CATIP: variants seen among roughly 807,000 people sequenced by gnomAD.
CATIP encodes ciliogenesis-associated TTC17-interacting protein.
In CATIP, 40 loss-of-function variants were observed where a neutral mutation model predicts 42.5. The observed-to-expected ratio is 0.94, with a 90% CI of 0.73 to 1.22. The LOEUF is 1.22. CATIP is among the 50% of genes most tolerant of loss of function. The pLI is 0.00. For missense variants in CATIP, 489 were observed against 496.0 expected (o/e 0.99, Z 0.13); for synonymous variants, 222 against 200.2 (o/e 1.11, Z -0.92).
intron 6 of CATIP, among the ~76,000 whole-genome samples, chr2:218,364,360 A>AC (rs398091073): frequency 0.22 from 33,434 of 150,256 alleles, 3,746 homozygotes; most frequent in Middle Eastern, 0.37. Context: ...CCGCTCCCAC[A>AC]CCCCCCCGCA....
In CATIP at chr2:218,356,897, GT is replaced by G. The variant is rs757950329; in HGVS notation, c.16del (p.Tyr6ThrfsTer61). On this transcript the variant is annotated frameshift_variant, in exon 1 of 10. Coordinates refer to ENST00000289388, the MANE Select transcript of CATIP (RefSeq NM_198559.2). LOFTEE classifies it high-confidence loss of function. ...GCAGGCCCACAGCATGTCCTCCAAG[GT>G]TTACTCCACAGGTGGGAAGAGGACT... MSSKVYSTGSRAKDH... is the reference protein window; with the variant it reads MSSKXYSTGSRAKDH... The G allele has an allele frequency of 1.2e-6, 2 of 1,614,128 alleles. No individual in the cohort carries two copies. The highest frequency in any genetic ancestry group is 1.7e-6 in the Non-Finnish European group (2 of 1,180,010).
At chr2:218,359,235 G>A (rs1490910413) in intron 4 of CATIP, among the ~76,000 whole-genome samples, 2 of 151,384 alleles carry the variant, frequency 1.3e-5, no homozygotes, top group African/African-American at 4.9e-5. Context: ...CCAGCTACAC[G>A]GGAGGCTGAG....
chr2:218,361,353 G>A (rs747345320), intron 5 of CATIP, among the ~76,000 whole-genome samples: 1 of 150,828 alleles, frequency 6.6e-6, no homozygotes, highest in Non-Finnish European at 1.5e-5. Flanking sequence ...CAGCCTGGGC[G>A]ACAGAGCAAG....
chr2:218,366,504 A>T (rs1040353152), intron 7 of CATIP: 21 of 168,292 alleles, frequency 1.2e-4, no homozygotes, highest in Non-Finnish European at 2.2e-4. Context: ...AATACTTGCC[A>T]AGCCCTGTGC....
At chr2:218,357,860 G>A in intron 3 of CATIP, 126 bp downstream of exon 3, 1 of 1,142,064 alleles carries the variant, frequency 8.8e-7, no homozygotes, top group Non-Finnish European at 1.3e-6. Flanking sequence ...AAGGCACGGG[G>A]TGGGAGAGGG....
chr2:218,358,217 T>A (rs1695106205), intron 4 of CATIP, 125 bp downstream of exon 4: 2 of 760,396 alleles, frequency 2.6e-6, no homozygotes, highest in African/African-American at 3.5e-5. Context: ...AGAATAGCAA[T>A]CGTGTTATGA....
At chr2:218,364,480 G>C in intron 6 of CATIP, 148 bp from the exon 7 acceptor site, 1 of 1,145,092 alleles carries the variant, frequency 8.7e-7, no homozygotes, top group Non-Finnish European at 1.2e-6. Context: ...CCCTATGAGG[G>C]GTCGCCAACT....
intron 5 of CATIP, 26 bp from the exon 6 acceptor site, chr2:218,362,709 C>T (rs1235843661): frequency 6.2e-7 from 1 of 1,606,926 alleles, no homozygotes; most frequent in African/African-American, 1.3e-5. Flanking sequence ...GGTTCCAGGA[C>T]CCTGACCCAG....
At chr2:218,359,363 A>T (rs1002678374) in intron 4 of CATIP, among the ~76,000 whole-genome samples, 35 of 151,296 alleles carry the variant, frequency 2.3e-4, no homozygotes, top group African/African-American at 8.0e-4. Flanking sequence ...AAAAAAAAAA[A>T]ATGTTGGGGA....
intron 4 of CATIP, among the ~76,000 whole-genome samples, chr2:218,359,011 C>T (rs1695142324): frequency 6.6e-6 from 1 of 151,822 alleles, no homozygotes; most frequent in African/African-American, 2.4e-5. Flanking sequence ...TGAAGACCAG[C>T]CTGACCAACA....
At chr2:218,357,796 A>C in intron 3 of CATIP, 62 bp downstream of exon 3, 1 of 1,513,284 alleles carries the variant, frequency 6.6e-7, no homozygotes, top group Non-Finnish European at 9.1e-7. Context: ...CCCTCCACCA[A>C]TTCCTAGAAT....
At chr2:218,360,722 G>C (rs1695204279) in intron 5 of CATIP, 63 bp downstream of exon 5, 1 of 1,255,990 alleles carries the variant, frequency 8.0e-7, no homozygotes, top group Admixed American at 1.8e-5. Flanking sequence ...TCTGAGACAG[G>C]TCCAGATCAA....
chr2:218,362,638 A>G, intron 5 of CATIP, 97 bp from the exon 6 acceptor site: 1 of 1,300,418 alleles, frequency 7.7e-7, no homozygotes, highest in South Asian at 1.4e-5. Flanking sequence ...TGTCTCAAAA[A>G]AAAACAAAAC....
At chr2:218,363,277 T>C in intron 6 of CATIP, among the ~76,000 whole-genome samples, 1 of 150,682 alleles carries the variant, frequency 6.6e-6, no homozygotes, top group East Asian at 2.0e-4. Context: ...TCAGGAGATC[T>C]AGACCATCCT....
intron 7 of CATIP, 47 bp from the exon 8 acceptor site, chr2:218,366,977 G>A: frequency 7.1e-7 from 1 of 1,409,778 alleles, no homozygotes; most frequent in Non-Finnish European, 1.0e-6. Flanking sequence ...GTCCATAGCA[G>A]GCGGTCTGGG....
At chr2:218,357,803 G>A in intron 3 of CATIP, 69 bp downstream of exon 3, 1 of 1,511,188 alleles carries the variant, frequency 6.6e-7, no homozygotes, top group Admixed American at 1.7e-5. Flanking sequence ...CCAATTCCTA[G>A]AATCTTTTTT....
intron 2 of CATIP, 159 bp downstream of exon 2, chr2:218,357,346 C>G (rs985695374): frequency 4.3e-6 from 3 of 701,058 alleles, no homozygotes; most frequent in African/African-American, 3.6e-5. Flanking sequence ...TGACATTCTT[C>G]AAGGGAAGGC....
chr2:218,361,088 C>T (rs1048364258), intron 5 of CATIP, among the ~76,000 whole-genome samples: 1 of 152,158 alleles, frequency 6.6e-6, no homozygotes, highest in Admixed American at 6.5e-5. Flanking sequence ...GCCTCAGCCT[C>T]CCAAAGTGCT....
chr2:218,367,832 C>A lies in CATIP; in HGVS notation c.1032C>A (p.Val344=). The A allele has an allele frequency of 5.0e-6, 8 of 1,613,188 alleles. No individual in the cohort carries two copies. The highest frequency in any genetic ancestry group is 6.8e-6 in the Non-Finnish European group (8 of 1,179,886). Residue 344 remains valine (V), a synonymous_variant, in exon 10 of 10, where the codon GTC becomes GTA. Coordinates refer to ENST00000289388, the MANE Select transcript of CATIP (RefSeq NM_198559.2). ...TGCTGCGCCAGCCGGAGGACGTGGTCACCTTCGCCGCCGAGTTCTTCGGCC... is the reference window on the plus strand; with the variant it reads ...TGCTGCGCCAGCCGGAGGACGTGGTAACCTTCGCCGCCGAGTTCTTCGGCC... The part of the protein sequence containing the change: ...FLLLRQPEDV[V]TFAAEFFGPF...
Sources: allele counts gnomAD v4.1 joint callset (sites outside exome capture counted in the v4.1 genomes callset), GRCh38; gene constraint gnomAD v4.1.1; transcripts MANE v1.5; gene names NCBI Gene and HGNC (gene_info 2026-07-23, HGNC 2026-07-21).